FLVCR2: variants seen among roughly 807,000 people sequenced by gnomAD.
The protein encoded by FLVCR2 is FLVCR choline and putative heme transporter 2.
Under a neutral mutation model 48.9 loss-of-function variants are expected in FLVCR2, and 38 were observed. That is an observed-to-expected ratio of 0.78 (90% CI 0.60 to 1.02). FLVCR2 has a LOEUF of 1.02. Among genes scored for constraint, FLVCR2 ranks in the 50% least tolerant of loss-of-function variants. FLVCR2 has a pLI of 0.00. For missense variants in FLVCR2, 664 were observed against 663.3 expected, an observed-to-expected ratio of 1.00 and a Z score of -0.01; for synonymous variants, 255 against 257.0, an observed-to-expected ratio of 0.99 and a Z score of 0.07.
intron 3 of FLVCR2, among the ~76,000 whole-genome samples, chr14:75,631,476 T>C (rs1481516226): frequency 2.0e-5 from 3 of 152,236 alleles, no homozygotes; most frequent in African/African-American, 7.2e-5. Flanking sequence ...TGTTCAGGAC[T>C]CTGTTCCCCA....
At chr14:75,617,825 A>G (rs764837498) in intron 1 of FLVCR2, among the ~76,000 whole-genome samples, 1 of 152,222 alleles carries the variant, frequency 6.6e-6, no homozygotes, top group South Asian at 2.1e-4. Context: ...AAAATTACCT[A>G]TGCAGGAACC....
chr14:75,600,932 T>C (rs1889150170), intron 1 of FLVCR2, among the ~76,000 whole-genome samples: 1 of 149,562 alleles, frequency 6.7e-6, no homozygotes, highest in African/African-American at 2.4e-5. Context: ...AATATACAAA[T>C]GGTCAATTGC....
intron 5 of FLVCR2, among the ~76,000 whole-genome samples, chr14:75,635,857 A>C (rs988917434): frequency 3.3e-5 from 5 of 152,146 alleles, no homozygotes; most frequent in Non-Finnish European, 5.9e-5. Flanking sequence ...AAAAAAAAGA[A>C]AAGAAAATGT....
chr14:75,641,219 T>C lies in FLVCR2; in HGVS notation c.1379T>C (p.Ile460Thr). 1 of 1,614,088 alleles carries C rather than the reference T, an allele frequency of 6.2e-7. No individual in the cohort carries two copies. Among genetic ancestry groups the C allele is most frequent in the Non-Finnish European group, 8.5e-7 (1 of 1,179,954 alleles). Residue 460 changes from isoleucine (I) to threonine (T), a missense_variant, in exon 8 of 10, where the codon ATT becomes ACT. By Grantham distance (89) the Ile-to-Thr change is moderately conservative (BLOSUM62 -1). Transcript: ENST00000238667. ...GIIFTISQGQ[I>T]IDNYGTKPGN... ...ATCTTTACCATCTCCCAGGGCCAGA[T>C]TATTGACAACTATGGAACCAAGCCT... is the stretch of plus-strand genomic sequence containing the variant.
chr14:75,641,712 TC>T, intron 8 of FLVCR2, 130 bp from the exon 9 acceptor site: 2 of 843,604 alleles, frequency 2.4e-6, no homozygotes, highest in Non-Finnish European at 4.0e-6. Context: ...GTGCCCTCAG[TC>T]ACCAGCTCTC....
intron 3 of FLVCR2, among the ~76,000 whole-genome samples, chr14:75,627,261 G>A (rs1363748280): frequency 2.0e-5 from 3 of 151,154 alleles, no homozygotes; most frequent in African/African-American, 7.4e-5. Flanking sequence ...AAATAGGAAA[G>A]CACTTCTTGA....
chr14:75,594,952 A>G (rs1888981728), intron 1 of FLVCR2, among the ~76,000 whole-genome samples: 1 of 152,104 alleles, frequency 6.6e-6, no homozygotes, highest in African/African-American at 2.4e-5. Flanking sequence ...TTCTGGGCTC[A>G]AGAGTTCCTC....
chr14:75,641,158 C>G, intron 7 of FLVCR2, 24 bp from the exon 8 acceptor site: 1 of 1,583,396 alleles, frequency 6.3e-7, no homozygotes, highest in South Asian at 1.1e-5. Flanking sequence ...GCCCTTGTTT[C>G]CTATCTTCTT....
chr14:75,644,262 C>T (rs192623231), intron 9 of FLVCR2, among the ~76,000 whole-genome samples: 72 of 152,270 alleles, frequency 4.7e-4, no homozygotes, highest in African/African-American at 1.5e-3. Flanking sequence ...GTAGCATTTC[C>T]AGTGTTGTAA....
chr14:75,631,296 C>T (rs1035014540), intron 3 of FLVCR2, among the ~76,000 whole-genome samples: 8 of 152,168 alleles, frequency 5.3e-5, no homozygotes, highest in African/African-American at 1.7e-4. Flanking sequence ...ACCTGGAGCA[C>T]GATCAGAATC....
rs1361852691 is a variant in FLVCR2 at position 75,626,085 on chromosome 14, C to T, written c.952+1333C>T. ...GGGCTTACTGCAGCCTCTGCCTCCCCGGCTCAAGCAATTCTTCTGCCTCAG... is the reference window on the plus strand; with the variant it reads ...GGGCTTACTGCAGCCTCTGCCTCCCTGGCTCAAGCAATTCTTCTGCCTCAG... On this transcript the variant is annotated intron_variant, in intron 3 of 9. Transcript: ENST00000238667. Among the ~76,000 whole-genome samples, 16 of 152,196 alleles carry T rather than the reference C, an allele frequency of 1.1e-4. No individual in the cohort carries two copies. The South Asian group carries it at 2.5e-3, about 24-fold the overall frequency.
intron 1 of FLVCR2, among the ~76,000 whole-genome samples, chr14:75,585,852 G>C (rs376164890): frequency 6.6e-6 from 1 of 152,226 alleles, no homozygotes; most frequent in African/African-American, 2.4e-5. Flanking sequence ...GAAGGACAGG[G>C]AGATTGATGG....
intron 1 of FLVCR2, among the ~76,000 whole-genome samples, chr14:75,589,120 G>A (rs1199823507): frequency 1.1e-4 from 17 of 152,040 alleles, no homozygotes; most frequent in Admixed American, 1.1e-3. Context: ...GGAGGCTGAG[G>A]TACAAGGATC....
chr14:75,632,216 GA>G (rs1890060747), intron 3 of FLVCR2, among the ~76,000 whole-genome samples: 1 of 152,208 alleles, frequency 6.6e-6, no homozygotes, highest in Non-Finnish European at 1.5e-5. Flanking sequence ...ATACCTGTGT[GA>G]TTGCAAAGCA....
intron 1 of FLVCR2, among the ~76,000 whole-genome samples, chr14:75,614,893 C>T (rs1409614400): frequency 5.3e-5 from 8 of 152,158 alleles, no homozygotes; most frequent in Admixed American, 3.3e-4. Flanking sequence ...ACCATCAGGT[C>T]TTGTGAGAAC....
At chr14:75,595,428 G>C (rs1370327857) in intron 1 of FLVCR2, among the ~76,000 whole-genome samples, 3 of 152,194 alleles carry the variant, frequency 2.0e-5, no homozygotes, top group Non-Finnish European at 4.4e-5. Context: ...TGCTGGACAG[G>C]CTGATCATAT....
chr14:75,598,099 C>A (rs1325638786), intron 1 of FLVCR2, among the ~76,000 whole-genome samples: 1 of 151,920 alleles, frequency 6.6e-6, no homozygotes, highest in African/African-American at 2.4e-5. Context: ...CCCACCTCAG[C>A]CTTCCACAGT....
chr14:75,634,481 A>C (rs1566795903), intron 4 of FLVCR2, among the ~76,000 whole-genome samples: 1 of 152,222 alleles, frequency 6.6e-6, no homozygotes, highest in Non-Finnish European at 1.5e-5. Flanking sequence ...AAGCACTCAA[A>C]AATATATAAC....
intron 9 of FLVCR2, 78 bp downstream of exon 9, chr14:75,641,976 A>AG: frequency 7.7e-7 from 1 of 1,292,924 alleles, no homozygotes; most frequent in Non-Finnish European, 1.1e-6. Flanking sequence ...TAGATGGGGC[A>AG]GGGAGAACTC....
Sources: allele counts gnomAD v4.1 joint callset (sites outside exome capture counted in the v4.1 genomes callset), GRCh38; gene constraint gnomAD v4.1.1; transcripts MANE v1.5; gene names NCBI Gene and HGNC (gene_info 2026-07-23, HGNC 2026-07-21).